Variants in MTSS1 observed in about 807,000 individuals in gnomAD.
The protein encoded by MTSS1 is protein MTSS 1.
In MTSS1, 18 loss-of-function variants were observed where a neutral mutation model predicts 79.0. That is an observed-to-expected ratio of 0.23 (90% confidence interval 0.16 to 0.34). MTSS1 has a LOEUF of 0.34. MTSS1 is among the 10% of genes least tolerant of loss of function. The pLI, the probability that MTSS1 is intolerant of heterozygous loss-of-function variation, is 1.00. For missense variants in MTSS1, 815 were observed against 986.2 expected (o/e 0.83, Z 2.33); for synonymous variants, 341 against 368.6 (o/e 0.93, Z 0.86).
chr8:124,556,937 C>G (rs778789300), intron 11 of MTSS1, among the ~76,000 whole-genome samples: 31 of 152,194 alleles, frequency 2.0e-4, no homozygotes, highest in Non-Finnish European at 3.7e-4. Flanking sequence ...AGAAAGATTC[C>G]GAGAAGCCTT....
chr8:124,615,048 G>A (rs1018130352), intron 3 of MTSS1, among the ~76,000 whole-genome samples: 5 of 152,182 alleles, frequency 3.3e-5, no homozygotes, highest in Non-Finnish European at 7.3e-5. Flanking sequence ...AAGATGCAGC[G>A]TTCCAGATGA....
Position 124,555,908 on chromosome 8 carries a change from C to T in MTSS1, c.1405-4G>A. Reference sequence around the variant, plus strand: ...AAGCCTCCATCTCCTCACCAGGCTGCAGGTTGGAGGAGAGAAATACACAGG... The same window carrying T: ...AAGCCTCCATCTCCTCACCAGGCTGTAGGTTGGAGGAGAGAAATACACAGG... On this transcript the variant is annotated splice_region_variant and splice_polypyrimidine_tract_variant and intron_variant, in intron 12 of 13. Transcript: ENST00000518547. 1 of 1,604,882 alleles carries T rather than the reference C, an allele frequency of 6.2e-7. No individual in the cohort carries two copies. The highest frequency in any genetic ancestry group is 8.5e-7 in the Non-Finnish European group (1 of 1,179,648).
chr8:124,593,955 T>C (rs78599083), intron 3 of MTSS1, among the ~76,000 whole-genome samples: 2,881 of 149,812 alleles, frequency 0.019, 98 homozygotes, highest in African/African-American at 0.068. Context: ...CCAGCTCTCA[T>C]ATTTTGCTTC....
intron 3 of MTSS1, among the ~76,000 whole-genome samples, chr8:124,601,168 C>A (rs1188705149): frequency 6.8e-6 from 1 of 147,500 alleles, no homozygotes; most frequent in Admixed American, 7.0e-5. Context: ...TCAAGCAATT[C>A]TCCTGCCTCA....
In MTSS1 at chr8:124,728,188, C is replaced by G; in HGVS notation, c.-233G>C. The G allele has an allele frequency of 2.5e-6, 1 of 393,658 alleles. No individual in the cohort carries two copies. The highest frequency in any genetic ancestry group is 4.5e-6 in the Non-Finnish European group (1 of 221,768). The allele number at this position is 393,658 out of a possible 1,614,324, so 24.4% of individuals were successfully genotyped here. ...AGGGTATTCGCCTACAAGCAGCGCT[C>G]GGCTCCTGGCCTTAAAAATGCCGGG... is the stretch of plus-strand genomic sequence containing the variant. On this transcript the variant is annotated 5_prime_UTR_variant, in exon 1 of 14. Transcript: ENST00000518547. The surrounding 1 kb of genome is among the most constrained non-coding windows in gnomAD (Gnocchi z 6.1).
At chr8:124,659,642 G>C (rs771272844) in intron 3 of MTSS1, among the ~76,000 whole-genome samples, 2 of 152,166 alleles carry the variant, frequency 1.3e-5, no homozygotes, top group Non-Finnish European at 2.9e-5. Flanking sequence ...AAAGTCCTCA[G>C]AAATTCTTAG....
intron 3 of MTSS1, among the ~76,000 whole-genome samples, chr8:124,660,264 C>T (rs1048417909): frequency 3.3e-5 from 5 of 152,044 alleles, no homozygotes; most frequent in South Asian, 2.1e-4. Flanking sequence ...CACAAACAAC[C>T]GTTTGAGTGA....
In MTSS1 at chr8:124,555,776, G is replaced by A; in HGVS notation, c.1533C>T (p.Thr511=). 1 of 1,613,246 alleles carries A rather than the reference G, an allele frequency of 6.2e-7. No homozygotes were observed. Among genetic ancestry groups the A allele is most frequent in the Non-Finnish European group, 8.5e-7 (1 of 1,179,638 alleles). The part of the protein sequence containing the change: ...CSSGYSTQTT[T]PCCSEDTIPS... ...GGATGGTGTCCTCAGAGCAGCAGGGGGTGGTTGTCTGGGTGCTGTAGCCGC... is the reference window on the plus strand; with the variant it reads ...GGATGGTGTCCTCAGAGCAGCAGGGAGTGGTTGTCTGGGTGCTGTAGCCGC... Residue 511 remains threonine, a synonymous_variant, in exon 13 of 14, where the codon ACC becomes ACT. Coordinates refer to ENST00000518547, the MANE Select transcript of MTSS1 (RefSeq NM_014751.6).
At chr8:124,555,276 T>C (rs969865582) in intron 13 of MTSS1, among the ~76,000 whole-genome samples, 13 of 152,062 alleles carry the variant, frequency 8.5e-5, no homozygotes, top group African/African-American at 1.2e-4. Flanking sequence ...GACAGAGTCT[T>C]GCTCTGTCAC....
chr8:124,669,766 CTCTTT>C (rs1253507656), intron 3 of MTSS1, among the ~76,000 whole-genome samples: 4 of 152,178 alleles, frequency 2.6e-5, no homozygotes, highest in Non-Finnish European at 4.4e-5. Context: ...TTAATGTTTA[CTCTTT>C]TGAGTTTAGT....
At chr8:124,622,487 A>G (rs893284989) in intron 3 of MTSS1, among the ~76,000 whole-genome samples, 40 of 77,712 alleles carry the variant, frequency 5.1e-4, no homozygotes, top group African/African-American at 4.5e-3. Flanking sequence ...GCCATATTGA[A>G]AAAAAAAAAA....
chr8:124,687,238 C>T (rs1587809753), intron 3 of MTSS1, among the ~76,000 whole-genome samples: 1 of 152,256 alleles, frequency 6.6e-6, no homozygotes, highest in African/African-American at 2.4e-5. Flanking sequence ...GCATGGAAAC[C>T]AGGGCTTGGG....
chr8:124,720,284 G>A (rs1832718327), intron 1 of MTSS1, among the ~76,000 whole-genome samples: 1 of 152,218 alleles, frequency 6.6e-6, no homozygotes, highest in Non-Finnish European at 1.5e-5. Flanking sequence ...CCAAATCACA[G>A]GTGTCCTCAC....
At chr8:124,700,996 G>A (rs1829616372) in intron 2 of MTSS1, among the ~76,000 whole-genome samples, 1 of 152,184 alleles carries the variant, frequency 6.6e-6, no homozygotes, top group East Asian at 1.9e-4. Context: ...GGAAAGCTGA[G>A]GTGGGAGGAT....
chr8:124,605,747 T>G (rs1466841141), intron 3 of MTSS1, among the ~76,000 whole-genome samples: 1 of 152,170 alleles, frequency 6.6e-6, no homozygotes, highest in African/African-American at 2.4e-5. Context: ...AGCTACTTTA[T>G]TCCTTTAAGA....
chr8:124,551,733 A>ATCTT lies in MTSS1; in HGVS notation c.*1255_*1258dup, dbSNP rs1033207741. The ATCTT allele has an allele frequency of 6.8e-6, 1 of 146,592 alleles. No homozygotes were observed. Among genetic ancestry groups the ATCTT allele is most frequent in the African/African-American group, 2.6e-5 (1 of 38,818 alleles). The allele number at this position is 146,592 out of a possible 1,614,324, so 9.1% of individuals were successfully genotyped here. A position where few individuals can be genotyped will look rare whatever the true frequency, so the allele number is the denominator to read the frequency against. Reference sequence around the variant, plus strand: ...TTTAACTTCCACTTAGAAAAGACAAATCTTTTCCAAAAAACATTTACCCAG... The same window carrying ATCTT: ...TTTAACTTCCACTTAGAAAAGACAAATCTTTCTTTTCCAAAAAACATTTACCCAG... On this transcript the variant is annotated 3_prime_UTR_variant, in exon 14 of 14. Transcript: ENST00000518547.
In MTSS1 at chr8:124,597,521, T is replaced by G. The variant is rs544778910; in HGVS notation, c.209-6286A>C. On this transcript the variant is annotated intron_variant, in intron 3 of 13. Coordinates refer to ENST00000518547, the MANE Select transcript of MTSS1 (RefSeq NM_014751.6). This position sits in a 1 kb window ranked among gnomAD's most constrained non-coding sequence, Gnocchi z 4.6. Reference sequence around the variant, plus strand: ...CAGATTGCCCCTTGCTGCAGAGACCTGGCAGCGACAGGCAGGACGGTGGGT... The same window carrying G: ...CAGATTGCCCCTTGCTGCAGAGACCGGGCAGCGACAGGCAGGACGGTGGGT... 6.6e-6 allele frequency among the ~76,000 whole-genome samples: 1 copy of G among 152,352 alleles called. No individual in the cohort carries two copies. The highest frequency in any genetic ancestry group is 2.1e-4 in the South Asian group (1 of 4,832).
At chr8:124,600,574 T>C (rs1833619271) in intron 3 of MTSS1, among the ~76,000 whole-genome samples, 1 of 152,098 alleles carries the variant, frequency 6.6e-6, no homozygotes, top group Non-Finnish European at 1.5e-5. Flanking sequence ...GGCAGAGCGG[T>C]GATGTAGCTA....
At chr8:124,584,020 T>A (rs898190375) in intron 6 of MTSS1, among the ~76,000 whole-genome samples, 1 of 152,160 alleles carries the variant, frequency 6.6e-6, no homozygotes, top group Non-Finnish European at 1.5e-5. Flanking sequence ...TGGGTGAAAA[T>A]TCTGCTGCCT....
Sources: allele counts gnomAD v4.1 joint callset (sites outside exome capture counted in the v4.1 genomes callset), GRCh38; gene constraint gnomAD v4.1.1; non-coding constraint Gnocchi (gnomAD v3.1); transcripts MANE v1.5; gene names NCBI Gene and HGNC (gene_info 2026-07-23, HGNC 2026-07-21).